The following KCNK9 variants were observed in gnomAD, a reference collection of about 807,000 sequenced individuals.
KCNK9 encodes the protein potassium two pore domain channel subfamily K member 9, also known as potassium channel subfamily K member 9.
In KCNK9, 1 loss-of-function variant was observed where a neutral mutation model predicts 10.8. The ratio of observed to expected loss-of-function variants is 0.09; its 90% CI spans 0.03 to 0.44. The LOEUF is 0.44. Among genes scored for constraint, KCNK9 ranks in the 20% least tolerant of loss-of-function variants. The pLI, the probability that KCNK9 is intolerant of heterozygous loss-of-function variation, is 0.97. For synonymous variants in KCNK9, 231 were observed against 222.7 expected, an observed-to-expected ratio of 1.04 and a Z score of -0.33; for missense variants, 303 against 515.0, an observed-to-expected ratio of 0.59 and a Z score of 3.98.
intron 1 of KCNK9, among the ~76,000 whole-genome samples, chr8:139,647,072 G>A (rs1415024075): frequency 6.6e-6 from 1 of 152,276 alleles, no homozygotes; most frequent in Non-Finnish European, 1.5e-5. Context: ...GCCCTCTGTT[G>A]GCGGCAGGGG....
chr8:139,689,194 G>A (rs1049569203), intron 1 of KCNK9, among the ~76,000 whole-genome samples: 6 of 152,090 alleles, frequency 3.9e-5, no homozygotes, highest in African/African-American at 1.2e-4. Context: ...GAAGAACTGT[G>A]AGAAAAAAAG....
At chr8:139,660,444 A>AT (rs1340596806) in intron 1 of KCNK9, among the ~76,000 whole-genome samples, 11 of 126,576 alleles carry the variant, frequency 8.7e-5, no homozygotes, top group South Asian at 4.8e-4. Context: ...TCTCTGCTAA[A>AT]AAAAAATATA....
chr8:139,634,660 G>A (rs1355207845), intron 1 of KCNK9, among the ~76,000 whole-genome samples: 1 of 152,144 alleles, frequency 6.6e-6, no homozygotes, highest in East Asian at 1.9e-4. Context: ...TTGTCTCCAG[G>A]TCCCCAGGGC....
chr8:139,640,159 CCT>C (rs1239373549), intron 1 of KCNK9, among the ~76,000 whole-genome samples: 2 of 152,226 alleles, frequency 1.3e-5, no homozygotes, highest in East Asian at 1.9e-4. Context: ...GCCAAAATGC[CCT>C]GTCTCTACCC....
chr8:139,691,396 T>A (rs1012549452), intron 1 of KCNK9, among the ~76,000 whole-genome samples: 1 of 152,160 alleles, frequency 6.6e-6, no homozygotes, highest in Non-Finnish European at 1.5e-5. Context: ...AAAAACTTTT[T>A]CAACATTGCC....
Position 139,619,089 on chromosome 8 carries a change from G to A in KCNK9, c.294C>T (p.His98=), listed in dbSNP as rs1181673735. 8.1e-6 allele frequency: 13 copies of A among 1,613,996 alleles called. No homozygotes were observed. Among genetic ancestry groups the A allele is most frequent in the African/African-American group, 1.3e-5 (1 of 74,938 alleles). The change falls in exon 2 of 2, where the codon CAC becomes CAT. Residue 98 remains histidine (H), a synonymous_variant. Transcript: ENST00000520439. ...TGCCCGCATCGGTGCCAGGTGCAGC[G>A]TGCCCATAACCTGTGGGAAGGGGAT... ...ITVITTIGYG[H]AAPGTDAGKA...
At chr8:139,631,831 T>TA (rs575711189) in intron 1 of KCNK9, among the ~76,000 whole-genome samples, 195 of 152,214 alleles carry the variant, frequency 1.3e-3, no homozygotes, top group African/African-American at 3.8e-3. Flanking sequence ...ATATTTTGTT[T>TA]AAAAAAAAGT....
rs1366752723 is a variant in KCNK9 at position 139,617,996 on chromosome 8, G to C, written c.*262C>G. 2.0e-6 allele frequency: 1 copy of C among 488,082 alleles called. No individual in the cohort carries two copies. Among genetic ancestry groups the C allele is most frequent in the Admixed American group, 3.3e-5 (1 of 30,062 alleles). 30.2% of individuals were successfully genotyped at this position (488,082 alleles called of 1,614,324 possible). A position where few individuals can be genotyped will look rare whatever the true frequency, so the allele number is the denominator to read the frequency against. ...GGGTGAGAAATGTAAGGCATAGTCT[G>C]CTGGGAAGGAAGGAGGAGATCCATG... On this transcript the variant is annotated 3_prime_UTR_variant, in exon 2 of 2. Coordinates refer to ENST00000520439, the MANE Select transcript of KCNK9 (RefSeq NM_001282534.2).
At chr8:139,692,783 C>A (rs1419492469) in intron 1 of KCNK9, among the ~76,000 whole-genome samples, 1 of 152,204 alleles carries the variant, frequency 6.6e-6, no homozygotes, top group Admixed American at 6.5e-5. Flanking sequence ...CCCCCCACGT[C>A]CAACTGAATG....
intron 1 of KCNK9, among the ~76,000 whole-genome samples, chr8:139,644,715 T>TTC (rs796993801): frequency 7.6e-6 from 1 of 132,402 alleles, no homozygotes; most frequent in Admixed American, 8.0e-5. Context: ...TCCTGCCCTG[T>TTC]CCCCCCCCCC....
intron 1 of KCNK9, among the ~76,000 whole-genome samples, chr8:139,645,238 G>A (rs3780055): frequency 6.6e-6 from 1 of 152,166 alleles, no homozygotes; most frequent in African/African-American, 2.4e-5. Context: ...TCATCTCGGG[G>A]CCCCAGCAGC....
At chr8:139,662,999 C>A (rs1816201860) in intron 1 of KCNK9, among the ~76,000 whole-genome samples, 1 of 152,054 alleles carries the variant, frequency 6.6e-6, no homozygotes, top group Admixed American at 6.6e-5. Context: ...GCTCTTCACA[C>A]CAGGGCAGCA....
At chr8:139,697,454 T>C (rs1817090217) in intron 1 of KCNK9, among the ~76,000 whole-genome samples, 1 of 142,422 alleles carries the variant, frequency 7.0e-6, no homozygotes, top group Non-Finnish European at 1.5e-5. Context: ...GGTGGATTGA[T>C]GGGTGGCAGA....
At chr8:139,692,547 G>A (rs767084967) in intron 1 of KCNK9, among the ~76,000 whole-genome samples, 10 of 152,102 alleles carry the variant, frequency 6.6e-5, no homozygotes, top group Non-Finnish European at 8.8e-5. Flanking sequence ...CCTGAACATT[G>A]TCCCAGACAG....
chr8:139,697,234 GGTAGGTGGGTAGATGGGTGA>G, intron 1 of KCNK9, among the ~76,000 whole-genome samples: 2 of 151,100 alleles, frequency 1.3e-5, no homozygotes, highest in Admixed American at 6.6e-5. Context: ...TGGGTGAGTG[GGTAGGTGGGTAGATGGGTGA>G]ATGGTGGATG....
rs917488752 is a variant in KCNK9 at position 139,618,024 on chromosome 8, T to C, written c.*234A>G. 3.6e-6 allele frequency: 2 copies of C among 550,448 alleles called. No individual in the cohort carries two copies. Among genetic ancestry groups the C allele is most frequent in the African/African-American group, 3.8e-5 (2 of 52,816 alleles). The allele number at this position is 550,448 out of a possible 1,614,324, so 34.1% of individuals were successfully genotyped here. On this transcript the variant is annotated 3_prime_UTR_variant, in exon 2 of 2. Coordinates refer to ENST00000520439, the MANE Select transcript of KCNK9 (RefSeq NM_001282534.2). The surrounding 1 kb of genome is among the most constrained non-coding windows in gnomAD (Gnocchi z 7.9). ...GGGAAGGAAGGAGGAGATCCATGCT[T>C]CATGCTCAGATGTGAGTTTCAGAGG...
intron 1 of KCNK9, among the ~76,000 whole-genome samples, chr8:139,646,444 G>T (rs1815685665): frequency 6.6e-6 from 1 of 152,252 alleles, no homozygotes; most frequent in African/African-American, 2.4e-5. Flanking sequence ...GATTCTAGCG[G>T]CCAGGTCAGC....
At chr8:139,668,397 A>G (rs1816348609) in intron 1 of KCNK9, among the ~76,000 whole-genome samples, 1 of 151,748 alleles carries the variant, frequency 6.6e-6, no homozygotes, top group African/African-American at 2.4e-5. Context: ...CACACTTAAC[A>G]GACTGTAGTA....
chr8:139,619,968 T>G (rs1358104903), intron 1 of KCNK9, among the ~76,000 whole-genome samples: 2 of 152,222 alleles, frequency 1.3e-5, no homozygotes, highest in African/African-American at 4.8e-5. Flanking sequence ...ACCTTATGTG[T>G]GTAAGCACTT....
Sources: gnomAD v4.1 joint callset for allele counts (sites outside exome capture counted in the v4.1 genomes callset) on GRCh38, gnomAD v4.1.1 for gene constraint, Gnocchi (gnomAD v3.1) non-coding constraint, MANE v1.5 for transcripts, NCBI Gene and HGNC (gene_info 2026-07-23, HGNC 2026-07-21) for gene names.